The following CDH4 variants were observed in gnomAD, a reference collection of about 807,000 sequenced individuals.
CDH4 encodes the protein cadherin 4, also known as cadherin-4.
A neutral mutation model predicts 86.0 loss-of-function variants in CDH4; 33 were observed. The ratio of observed to expected loss-of-function variants is 0.38; its 90% confidence interval spans 0.29 to 0.51. The LOEUF is 0.51. Ranked by LOEUF, CDH4 falls within the 20% of genes least tolerant of loss-of-function variation. The pLI is 0.86. For synonymous variants in CDH4, 555 were observed against 549.4 expected (o/e 1.01, Z -0.14); for missense variants, 1,114 against 1,307.4 (o/e 0.85, Z 2.28).
At chr20:61,454,797 A>T in intron 2 of CDH4, among the ~76,000 whole-genome samples, 1 of 152,086 alleles carries the variant, frequency 6.6e-6, no homozygotes, top group East Asian at 1.9e-4. Flanking sequence ...TGCAGGTCAG[A>T]GGTCTGTGGC....
intron 2 of CDH4, among the ~76,000 whole-genome samples, chr20:61,277,249 G>C (rs1022161059): frequency 3.9e-5 from 6 of 152,132 alleles, no homozygotes; most frequent in African/African-American, 1.4e-4. Flanking sequence ...CCCTCTACCT[G>C]AGCTAAGTAA....
At chr20:61,294,672 C>T (rs2084342352) in intron 2 of CDH4, among the ~76,000 whole-genome samples, 1 of 152,332 alleles carries the variant, frequency 6.6e-6, no homozygotes, top group Admixed American at 6.5e-5. Context: ...GGGCCCCTGT[C>T]GCCCACTCCA....
intron 2 of CDH4, among the ~76,000 whole-genome samples, chr20:61,672,799 G>A (rs2087405246): frequency 6.6e-6 from 1 of 152,116 alleles, no homozygotes; most frequent in South Asian, 2.1e-4. Flanking sequence ...CTCAAGGACT[G>A]GGGCCCTGTG....
At chr20:61,601,522 G>T (rs6061661) in intron 2 of CDH4, among the ~76,000 whole-genome samples, 2 of 152,006 alleles carry the variant, frequency 1.3e-5, no homozygotes, top group Non-Finnish European at 2.9e-5. Flanking sequence ...CGTCAGCCCC[G>T]GCCTAACCCT....
chr20:61,900,790 A>G (rs1985359904), intron 8 of CDH4, among the ~76,000 whole-genome samples: 1 of 152,204 alleles, frequency 6.6e-6, no homozygotes, highest in Admixed American at 6.5e-5. Flanking sequence ...GCCTGGCTCC[A>G]CAACTGACCA....
At chr20:61,596,105 G>C (rs2145737996) in intron 2 of CDH4, among the ~76,000 whole-genome samples, 1 of 152,364 alleles carries the variant, frequency 6.6e-6, no homozygotes, top group African/African-American at 2.4e-5. Flanking sequence ...GGCCAAGCTG[G>C]ACCCAGCTGA....
intron 4 of CDH4, among the ~76,000 whole-genome samples, chr20:61,831,288 C>T (rs1225515711): frequency 1.3e-5 from 2 of 152,218 alleles, no homozygotes; most frequent in Non-Finnish European, 2.9e-5. Context: ...GATGGGTCCT[C>T]GTGGTGACCA....
At chr20:61,768,021 C>T (rs1471892671) in intron 3 of CDH4, among the ~76,000 whole-genome samples, 1 of 152,160 alleles carries the variant, frequency 6.6e-6, no homozygotes, top group African/African-American at 2.4e-5. Context: ...GATCTGCAGG[C>T]ACGAGCTTGG....
chr20:61,253,447 AC>A (rs1169344052), intron 1 of CDH4, among the ~76,000 whole-genome samples: 1 of 150,992 alleles, frequency 6.6e-6, no homozygotes, highest in East Asian at 2.0e-4. Flanking sequence ...AGTTGCAGGA[AC>A]CCCCTCTCGT....
At chr20:61,268,084 C>T (rs993850506) in intron 2 of CDH4, among the ~76,000 whole-genome samples, 47 of 152,322 alleles carry the variant, frequency 3.1e-4, no homozygotes, top group African/African-American at 1.1e-3. Flanking sequence ...GGTCTTCTTC[C>T]GACATGTGTG....
At chr20:61,916,012 G>A (rs2051065) in intron 9 of CDH4, among the ~76,000 whole-genome samples, 129,131 of 152,258 alleles carry the variant, frequency 0.85, 55,789 homozygotes, top group Non-Finnish European at 0.95. Context: ...TTTCATTTTT[G>A]TTCTTACTCC....
chr20:61,513,193 A>G (rs1428087467), intron 2 of CDH4, among the ~76,000 whole-genome samples: 1 of 152,098 alleles, frequency 6.6e-6, no homozygotes, highest in Non-Finnish European at 1.5e-5. Context: ...GTCCTCCTGC[A>G]GGAGGTCTCA....
rs1413420498 is a variant in CDH4, at chr20:61,902,259, G to A, written c.1188+7212G>A. 1.3e-5 allele frequency among the ~76,000 whole-genome samples: 2 copies of A among 152,246 alleles called. No individual in the cohort carries two copies. The highest frequency in any genetic ancestry group is 2.9e-5 in the Non-Finnish European group (2 of 68,040). On this transcript the variant is annotated intron_variant, in intron 8 of 15. Coordinates refer to ENST00000614565, the MANE Select transcript of CDH4 (RefSeq NM_001794.5). This position sits in a 1 kb window ranked among gnomAD's most constrained non-coding sequence, Gnocchi z 4.6. ...GATGAACGATGCAGAGGCAGAAAAG[G>A]TCAAGCCGGGGCCTCTGAAACCAGG...
intron 2 of CDH4, among the ~76,000 whole-genome samples, chr20:61,329,415 C>T (rs1226670663): frequency 2.0e-5 from 3 of 151,932 alleles, no homozygotes; most frequent in African/African-American, 7.3e-5. Flanking sequence ...TTGCAGCGTG[C>T]GTGGAGGGCA....
At chr20:61,888,821 C>T (rs1181954064) in intron 7 of CDH4, among the ~76,000 whole-genome samples, 2 of 152,232 alleles carry the variant, frequency 1.3e-5, no homozygotes, top group Admixed American at 6.5e-5. Context: ...CCGGTCCCCT[C>T]GCTCTGCCCT....
intron 3 of CDH4, among the ~76,000 whole-genome samples, chr20:61,768,314 C>T (rs1382282557): frequency 2.0e-5 from 3 of 152,154 alleles, no homozygotes; most frequent in Non-Finnish European, 2.9e-5. Context: ...GTCATACACC[C>T]ATACATCTGT....
At chr20:61,607,153 G>T (rs992831428) in intron 2 of CDH4, among the ~76,000 whole-genome samples, 1 of 152,122 alleles carries the variant, frequency 6.6e-6, no homozygotes, top group Non-Finnish European at 1.5e-5. Flanking sequence ...TATACAAGTT[G>T]GATGAAAAAA....
At chr20:61,532,613 G>A (rs377502522) in intron 2 of CDH4, among the ~76,000 whole-genome samples, 238 of 152,282 alleles carry the variant, frequency 1.6e-3, no homozygotes, top group African/African-American at 5.4e-3. Flanking sequence ...CTGTGAAAAT[G>A]CTCTCCTGCC....
At chr20:61,260,681 T>C (rs2084123223) in intron 2 of CDH4, among the ~76,000 whole-genome samples, 1 of 152,276 alleles carries the variant, frequency 6.6e-6, no homozygotes, top group South Asian at 2.1e-4. Flanking sequence ...GGTGGTCACT[T>C]CAGGGATCCC....
Sources: allele counts gnomAD v4.1 joint callset (sites outside exome capture counted in the v4.1 genomes callset), GRCh38; gene constraint gnomAD v4.1.1; non-coding constraint Gnocchi (gnomAD v3.1); transcripts MANE v1.5; gene names NCBI Gene and HGNC (gene_info 2026-07-23, HGNC 2026-07-21).